The following ABCB1 variants were observed in gnomAD, a reference collection of about 807,000 sequenced individuals.
The protein encoded by ABCB1 is ATP binding cassette subfamily B member 1.
A neutral mutation model predicts 142.0 loss-of-function variants in ABCB1; 69 were observed. The ratio of observed to expected loss-of-function variants is 0.49; its 90% CI spans 0.40 to 0.59. The LOEUF (loss-of-function observed/expected upper bound fraction) is 0.59. Among genes scored for constraint, ABCB1 ranks in the 20% least tolerant of loss-of-function variants. The pLI, the probability that ABCB1 is intolerant of heterozygous loss-of-function variation, is 0.00. For synonymous variants in ABCB1, 532 were observed against 539.2 expected (o/e 0.99, Z 0.18); for missense variants, 1,326 against 1,554.7 (o/e 0.85, Z 2.47).
At chr7:87,705,775 C>T (rs185426725) in intron 1 of ABCB1, among the ~76,000 whole-genome samples, 1 of 152,232 alleles carries the variant, frequency 6.6e-6, no homozygotes, top group African/African-American at 2.4e-5. Flanking sequence ...GGGTCATATG[C>T]TCTTATAAAC....
At chr7:87,589,338 T>A (rs1001628972) in intron 3 of ABCB1, among the ~76,000 whole-genome samples, 1 of 152,154 alleles carries the variant, frequency 6.6e-6, no homozygotes, top group Non-Finnish European at 1.5e-5. Context: ...TGCAAATATA[T>A]GATATAAGCA....
chr7:87,524,500 C>A (rs558611469), intron 21 of ABCB1, among the ~76,000 whole-genome samples: 1 of 151,890 alleles, frequency 6.6e-6, no homozygotes, highest in African/African-American at 2.4e-5. Flanking sequence ...AACCAAACAC[C>A]GTATGTTCTC....
intron 1 of ABCB1, among the ~76,000 whole-genome samples, chr7:87,688,297 A>G (rs1827673217): frequency 6.6e-6 from 1 of 152,082 alleles, no homozygotes; most frequent in African/African-American, 2.4e-5. Context: ...TTAATGTTTT[A>G]TAATACATTT....
intron 1 of ABCB1, among the ~76,000 whole-genome samples, chr7:87,643,302 C>T (rs1282659787): frequency 6.6e-6 from 1 of 151,998 alleles, no homozygotes; most frequent in Non-Finnish European, 1.5e-5. Context: ...TTTCAGGGTA[C>T]AAATTTCAGG....
At chr7:87,553,960 T>C (rs1817205490) in intron 8 of ABCB1, 28 bp from the exon 9 acceptor site, 1 of 1,582,656 alleles carries the variant, frequency 6.3e-7, no homozygotes, top group African/African-American at 1.3e-5. Flanking sequence ...AATGATCACA[T>C]ATACATTTTA....
chr7:87,693,492 CA>C (rs769675005), intron 1 of ABCB1, among the ~76,000 whole-genome samples: 2 of 152,040 alleles, frequency 1.3e-5, no homozygotes, highest in African/African-American at 2.4e-5. Context: ...CATATAGTTC[CA>C]AAGTGAGTGA....
At chr7:87,516,367 A>G in intron 24 of ABCB1, 142 bp downstream of exon 24, 12 of 1,007,946 alleles carry the variant, frequency 1.2e-5, no homozygotes, top group Non-Finnish European at 1.5e-5. Flanking sequence ...TATTATTAGC[A>G]GTAATTGAAA....
chr7:87,598,215 T>A (rs1819289521), intron 2 of ABCB1, among the ~76,000 whole-genome samples: 1 of 152,250 alleles, frequency 6.6e-6, no homozygotes, highest in Non-Finnish European at 1.5e-5. Context: ...AATTACTTTA[T>A]CTTTTTATTT....
At chr7:87,558,046 G>A (rs1817378054) in intron 8 of ABCB1, among the ~76,000 whole-genome samples, 2 of 152,014 alleles carry the variant, frequency 1.3e-5, no homozygotes, top group Admixed American at 6.6e-5. Context: ...GTGAAGGAAG[G>A]AAAAAAACCT....
At chr7:87,613,970 C>A (rs1819946442) in intron 1 of ABCB1, among the ~76,000 whole-genome samples, 1 of 152,056 alleles carries the variant, frequency 6.6e-6, no homozygotes, top group South Asian at 2.1e-4. Flanking sequence ...TTAATCTAGA[C>A]AAACTTGGTT....
In ABCB1 at chr7:87,541,434, T is replaced by C; in HGVS notation, c.2242A>G (p.Lys748Glu). The C allele has an allele frequency of 6.2e-7, 1 of 1,609,546 alleles. No individual in the cohort carries two copies. The highest frequency in any genetic ancestry group is 1.1e-5 in the South Asian group (1 of 90,980). The change falls in exon 18 of 28, where the codon AAA becomes GAA. Residue 748 changes from lysine (K) to glutamate (E), a missense_variant. Lys to Glu is a moderately conservative substitution (Grantham distance 56, BLOSUM62 1). Coordinates refer to ENST00000622132, the MANE Select transcript of ABCB1 (RefSeq NM_001348946.2). The stretch of plus-strand genomic sequence containing the variant: ...GAAAACAAGTTACTATTCTGTCGTT[T>C]TGTTTCAGGATCATCAATTCTTGTA... The part of the protein sequence containing the change: ...VFTRIDDPET[K>E]RQNSNLFSLL...
In ABCB1 at chr7:87,561,354, C is replaced by T; in HGVS notation, c.736G>A (p.Ala246Thr). The T allele has an allele frequency of 6.2e-7, 1 of 1,613,638 alleles. No individual in the cohort carries two copies. The highest frequency in any genetic ancestry group is 1.7e-5 in the Admixed American group (1 of 60,002). ...GCTACTGCTCCAGCTTTTGCATACG[C>T]TAAGAGTTCTTTATCAGTAAATGAA... ...LSSFTDKELL[A>T]YAKAGAVAEE... Residue 246 changes from alanine (A) to threonine (T), a missense_variant, in exon 8 of 28, where the codon GCG (alanine) becomes ACG (threonine). Coordinates refer to ENST00000622132, the MANE Select transcript of ABCB1 (RefSeq NM_001348946.2).
intron 3 of ABCB1, among the ~76,000 whole-genome samples, chr7:87,593,986 A>G (rs1819096137): frequency 6.6e-6 from 1 of 152,226 alleles, no homozygotes; most frequent in African/African-American, 2.4e-5. Context: ...AACCCTGAAC[A>G]CACAATGTTT....
At position 87,546,359 on chromosome 7, in the gene ABCB1, T is replaced by C. The variant is rs28381911; in HGVS notation, c.1726-335A>G. On this transcript the variant is annotated intron_variant, in intron 14 of 27. Transcript: ENST00000622132. The stretch of plus-strand genomic sequence containing the variant: ...ATCCCAGCACTTTGGGAGGCCAAGG[T>C]GGGTGGATCACAAGGTCAGGAGATC... Among the ~76,000 whole-genome samples the C allele has an allele frequency of 2.4e-3, 368 of 152,014 alleles. 3 individuals are homozygous for C. Among genetic ancestry groups the C allele is most frequent in the African/African-American group, 8.4e-3 (350 of 41,478 alleles).
intron 1 of ABCB1, among the ~76,000 whole-genome samples, chr7:87,661,366 T>G (rs1303886617): frequency 6.6e-6 from 1 of 152,008 alleles, no homozygotes; most frequent in Non-Finnish European, 1.5e-5. Flanking sequence ...TAGTTCTATC[T>G]AACTACATTT....
At position 87,576,216 on chromosome 7, in the gene ABCB1, A is replaced by G. The variant is rs147794715; in HGVS notation, c.287-5993T>C. 4.9e-3 allele frequency among the ~76,000 whole-genome samples: 747 copies of G among 151,872 alleles called. 6 individuals are homozygous for G. Among genetic ancestry groups the G allele is most frequent in the Non-Finnish European group, 7.9e-3 (537 of 67,930 alleles). ...CAGAGATTACATTGTAACTAATTCT[A>G]CTTTTTGGCTTGAAAACCCTTAACC... On this transcript the variant is annotated intron_variant, in intron 4 of 27. Transcript: ENST00000622132.
intron 1 of ABCB1, among the ~76,000 whole-genome samples, chr7:87,647,865 G>T (rs1354500664): frequency 3.3e-5 from 5 of 152,064 alleles, no homozygotes; most frequent in African/African-American, 1.2e-4. Context: ...TGGCCAACTT[G>T]CAGAGATGAA....
chr7:87,680,609 A>G (rs1301890993), intron 1 of ABCB1, among the ~76,000 whole-genome samples: 2 of 150,352 alleles, frequency 1.3e-5, no homozygotes, highest in African/African-American at 4.9e-5. Flanking sequence ...CCTGACTAAC[A>G]TGGTGAAACC....
chr7:87,560,108 A>G (rs1817495909), intron 8 of ABCB1, among the ~76,000 whole-genome samples: 1 of 152,134 alleles, frequency 6.6e-6, no homozygotes, highest in Admixed American at 6.6e-5. Flanking sequence ...CTGTAACCTT[A>G]CCACCCCCAT....
Sources: allele counts gnomAD v4.1 joint callset (sites outside exome capture counted in the v4.1 genomes callset), GRCh38; gene constraint gnomAD v4.1.1; transcripts MANE v1.5; gene names NCBI Gene and HGNC (gene_info 2026-07-23, HGNC 2026-07-21).